The following TNS3 variants were observed in gnomAD, a reference collection of about 807,000 sequenced individuals.
TNS3 encodes the protein tensin-3.
In TNS3, 45 loss-of-function variants were observed where a neutral mutation model predicts 140.9. The ratio of observed to expected loss-of-function variants is 0.32; its 90% CI spans 0.25 to 0.41. The LOEUF (loss-of-function observed/expected upper bound fraction) is 0.41, where lower values mean the gene tolerates loss of function less well. Among genes scored for constraint, TNS3 ranks in the 10% least tolerant of loss-of-function variants. The pLI, the probability that TNS3 is intolerant of heterozygous loss-of-function variation, is 1.00. For synonymous variants in TNS3, 815 were observed against 788.4 expected (o/e 1.03, Z -0.56); for missense variants, 1,716 against 1,906.7 (o/e 0.90, Z 1.86).
chr7:47,291,890 G>A, intron 27 of TNS3, 65 bp downstream of exon 27: 1 of 1,532,200 alleles, frequency 6.5e-7, no homozygotes, highest in Non-Finnish European at 9.0e-7. Flanking sequence ...GCAAAAGGAA[G>A]TTGTGTCAGT....
intron 7 of TNS3, among the ~76,000 whole-genome samples, chr7:47,436,629 T>A (rs542338109): frequency 2.4e-3 from 371 of 152,216 alleles, no homozygotes; most frequent in African/African-American, 8.5e-3. Context: ...TTTTAAAAAA[T>A]GAAAATTATC....
At chr7:47,545,448 C>T (rs1225247049) in intron 1 of TNS3, among the ~76,000 whole-genome samples, 1 of 148,174 alleles carries the variant, frequency 6.7e-6, no homozygotes, top group Non-Finnish European at 1.5e-5. Flanking sequence ...CCATAGAAAT[C>T]TCTGTTACTG....
Position 47,559,356 on chromosome 7 carries a change from A to C in TNS3, c.-265+22695T>G, listed in dbSNP as rs548573996. Among the ~76,000 whole-genome samples the C allele has an allele frequency of 1.3e-3, 200 of 152,278 alleles. 1 individual carries two copies. Among genetic ancestry groups the C allele is most frequent in the Admixed American group, 2.2e-3 (34 of 15,292 alleles). Reference sequence around the variant, plus strand: ...CAAAGCAAAACTCCATCTCACAAAAAATAAATAAATAAATAAACAGACATC... The same window carrying C: ...CAAAGCAAAACTCCATCTCACAAAACATAAATAAATAAATAAACAGACATC... On this transcript the variant is annotated intron_variant, in intron 1 of 30. Transcript: ENST00000311160.
intron 17 of TNS3, among the ~76,000 whole-genome samples, chr7:47,354,221 A>T (rs1584466421): frequency 6.6e-6 from 1 of 152,134 alleles, no homozygotes; most frequent in African/African-American, 2.4e-5. Flanking sequence ...GAAAAAGGAG[A>T]CCTCATGGGA....
At chr7:47,565,752 T>G (rs1308323098) in intron 1 of TNS3, among the ~76,000 whole-genome samples, 2 of 152,144 alleles carry the variant, frequency 1.3e-5, no homozygotes, top group Admixed American at 6.5e-5. Flanking sequence ...ACGCACAAAT[T>G]TACACTAGTT....
At chr7:47,447,068 A>ATGACC (rs570944606) in intron 4 of TNS3, among the ~76,000 whole-genome samples, 22 of 151,542 alleles carry the variant, frequency 1.5e-4, no homozygotes, top group South Asian at 4.2e-4. Context: ...CCATGGGCTC[A>ATGACC]ATGAGGTCAA....
At chr7:47,429,340 G>A (rs552183925) in intron 8 of TNS3, among the ~76,000 whole-genome samples, 57 of 151,902 alleles carry the variant, frequency 3.8e-4, no homozygotes, top group African/African-American at 6.8e-4. Flanking sequence ...GCAAGACCAC[G>A]GGGACTGAAA....
At chr7:47,470,813 T>C (rs892407046) in intron 4 of TNS3, among the ~76,000 whole-genome samples, 17 of 152,182 alleles carry the variant, frequency 1.1e-4, no homozygotes, top group African/African-American at 3.9e-4. Context: ...CTGTTGACCG[T>C]TCACAATTCC....
chr7:47,423,317 C>G (rs1430392115), intron 10 of TNS3, among the ~76,000 whole-genome samples: 1 of 152,202 alleles, frequency 6.6e-6, no homozygotes, highest in Non-Finnish European at 1.5e-5. Flanking sequence ...TAAGTGTCAC[C>G]ATCTGTGGAG....
rs1445220849 is a variant in TNS3 at position 47,297,338 on chromosome 7, C to T, written c.3545-125G>A. 17 of 1,163,014 alleles carry T rather than the reference C, an allele frequency of 1.5e-5. No homozygotes were observed. In the Admixed American group the frequency reaches 3.0e-4, roughly 21 times the overall value. 72.0% of individuals were successfully genotyped at this position (1,163,014 alleles called of 1,614,324 possible). A position where few individuals can be genotyped will look rare whatever the true frequency, so the allele number is the denominator to read the frequency against. ...CAAACTGGATCAGTGGGGACCTGGC[C>T]GGGATCCCTCTGCTTGGCTGGAAGA... On this transcript the variant is annotated intron_variant, in intron 23 of 30. Coordinates refer to ENST00000311160, the MANE Select transcript of TNS3 (RefSeq NM_022748.12).
chr7:47,501,986 A>T (rs1798243342), intron 3 of TNS3, among the ~76,000 whole-genome samples: 1 of 152,168 alleles, frequency 6.6e-6, no homozygotes, highest in African/African-American at 2.4e-5. Context: ...AGTTCACAAG[A>T]GGCATAGTAG....
intron 1 of TNS3, among the ~76,000 whole-genome samples, chr7:47,578,598 C>T (rs1800730928): frequency 6.6e-6 from 1 of 152,026 alleles, no homozygotes; most frequent in Admixed American, 6.5e-5. Flanking sequence ...TAGAGGGCCA[C>T]GGTGCTCCTG....
At chr7:47,579,777 T>C (rs961647915) in intron 1 of TNS3, 5 of 933,042 alleles carry the variant, frequency 5.4e-6, no homozygotes. Flanking sequence ...TGGGTCCTTG[T>C]GTAGAGTCCT....
chr7:47,506,765 G>C (rs1379670547), intron 3 of TNS3, 142 bp downstream of exon 3: 4 of 457,490 alleles, frequency 8.7e-6, no homozygotes, highest in Non-Finnish European at 3.7e-6. Context: ...GAGATGAAAA[G>C]TATACACCGT....
intron 3 of TNS3, among the ~76,000 whole-genome samples, chr7:47,503,031 G>A (rs537094493): frequency 6.6e-6 from 1 of 152,268 alleles, no homozygotes; most frequent in Non-Finnish European, 1.5e-5. Context: ...TAAAGGGGGA[G>A]CTGCGCATCG....
chr7:47,576,804 TGGG>T (rs1800685608), intron 1 of TNS3, among the ~76,000 whole-genome samples: 1 of 152,120 alleles, frequency 6.6e-6, no homozygotes, highest in South Asian at 2.1e-4. Context: ...TCCAGGGTGA[TGGG>T]GAGAGCGCAG....
Position 47,417,466 on chromosome 7 carries a change from A to G in TNS3, c.474-2260T>C, listed in dbSNP as rs115374095. On this transcript the variant is annotated intron_variant, in intron 10 of 30. Coordinates refer to ENST00000311160, the MANE Select transcript of TNS3 (RefSeq NM_022748.12). ...GGGCCACAAGCCCAGTAGTGGTCAG[A>G]GGGGAAGGGAAGGAGGCTGTCACTG... 6.4e-3 allele frequency among the ~76,000 whole-genome samples: 977 copies of G among 152,346 alleles called. 5 individuals carry two copies. The highest frequency in any genetic ancestry group is 0.022 in the African/African-American group (906 of 41,578).
intron 10 of TNS3, among the ~76,000 whole-genome samples, chr7:47,418,452 A>G (rs1431949476): frequency 1.3e-5 from 2 of 152,246 alleles, no homozygotes; most frequent in Admixed American, 6.5e-5. Context: ...AATCAATTGT[A>G]GGGTATCAGA....
chr7:47,479,283 C>T (rs1005601936), intron 4 of TNS3, among the ~76,000 whole-genome samples: 6 of 152,214 alleles, frequency 3.9e-5, no homozygotes, highest in African/African-American at 1.4e-4. Flanking sequence ...GGACTGTCTG[C>T]GAGGTGGGAG....
Sources: gnomAD v4.1 joint callset for allele counts (sites outside exome capture counted in the v4.1 genomes callset) on GRCh38, gnomAD v4.1.1 for gene constraint, MANE v1.5 for transcripts, NCBI Gene and HGNC (gene_info 2026-07-23, HGNC 2026-07-21) for gene names.